GPR155: variants seen among roughly 807,000 people sequenced by gnomAD.
GPR155 encodes lysosomal cholesterol signaling protein.
A neutral mutation model predicts 93.1 loss-of-function variants in GPR155; 65 were observed. That is an observed-to-expected ratio of 0.70 (90% CI 0.57 to 0.86). GPR155 has a LOEUF of 0.86. GPR155 is among the 40% of genes least tolerant of loss of function. GPR155 has a pLI of 0.00. For synonymous variants in GPR155, 319 were observed against 360.1 expected (o/e 0.89, Z 1.29); for missense variants, 838 against 1,034.8 (o/e 0.81, Z 2.61).
intron 2 of GPR155, among the ~76,000 whole-genome samples, chr2:174,480,261 C>T (rs571792344): frequency 1.3e-5 from 2 of 152,226 alleles, no homozygotes; most frequent in South Asian, 4.2e-4. Flanking sequence ...ATTTTTATGG[C>T]CCTTGTCACC....
At chr2:174,486,725 C>A in intron 1 of GPR155, 148 bp downstream of exon 1, 1 of 152,992 alleles carries the variant, frequency 6.5e-6, no homozygotes, top group Non-Finnish European at 1.5e-5. Flanking sequence ...GCAGAGACAG[C>A]AGGTCCAGAC....
chr2:174,473,423 T>C (rs1014876558), intron 2 of GPR155, 59 bp from the exon 3 acceptor site: 8 of 1,115,262 alleles, frequency 7.2e-6, no homozygotes, highest in East Asian at 2.4e-5. Context: ...ATATATGTTA[T>C]GTATATAACA....
chr2:174,478,488 G>T (rs1279389922), intron 2 of GPR155, among the ~76,000 whole-genome samples: 1 of 152,150 alleles, frequency 6.6e-6, no homozygotes, highest in Non-Finnish European at 1.5e-5. Flanking sequence ...CCAAAATGTT[G>T]GGATTACAGG....
At chr2:174,453,669 A>G in intron 11 of GPR155, 68 bp downstream of exon 11, 11 of 453,412 alleles carry the variant, frequency 2.4e-5, no homozygotes, top group East Asian at 1.4e-4. Flanking sequence ...CAAAAAAAAG[A>G]AAAAAAAAAA....
At chr2:174,452,930 G>A (rs1206380809) in intron 11 of GPR155, among the ~76,000 whole-genome samples, 2 of 152,224 alleles carry the variant, frequency 1.3e-5, no homozygotes, top group Non-Finnish European at 2.9e-5. Context: ...GATTACAGGC[G>A]TGAGCCACCT....
chr2:174,455,096 A>C (rs1687474435), intron 10 of GPR155, among the ~76,000 whole-genome samples: 1 of 152,220 alleles, frequency 6.6e-6, no homozygotes, highest in Middle Eastern at 3.2e-3. Context: ...ATACATTTTG[A>C]AGTGATAGAT....
intron 11 of GPR155, among the ~76,000 whole-genome samples, chr2:174,447,563 AAATT>A (rs1044932861): frequency 1.2e-3 from 172 of 146,176 alleles, no homozygotes; most frequent in African/African-American, 4.1e-3. Flanking sequence ...TATAAATTAC[AAATT>A]AATATATAAG....
chr2:174,438,600 C>T (rs796836373), intron 15 of GPR155, among the ~76,000 whole-genome samples: 55 of 152,226 alleles, frequency 3.6e-4, no homozygotes, highest in African/African-American at 1.3e-3. Flanking sequence ...CTCCACCTCC[C>T]GGGTTCAAGC....
At chr2:174,455,960 C>T (rs975052272) in intron 10 of GPR155, among the ~76,000 whole-genome samples, 1 of 152,082 alleles carries the variant, frequency 6.6e-6, no homozygotes, top group African/African-American at 2.4e-5. Flanking sequence ...CATGCCTCAG[C>T]CTCCCGAGTA....
intron 4 of GPR155, 42 bp downstream of exon 4, chr2:174,470,348 G>C (rs2358637): frequency 3.4e-6 from 5 of 1,476,218 alleles, no homozygotes; most frequent in Non-Finnish European, 4.6e-6. Flanking sequence ...AATTTTTTTC[G>C]ACTAAACACA....
intron 10 of GPR155, among the ~76,000 whole-genome samples, chr2:174,459,640 G>A (rs2105705113): frequency 6.6e-6 from 1 of 152,198 alleles, no homozygotes; most frequent in South Asian, 2.1e-4. Context: ...AGCTCAGCAG[G>A]TCGAGACCAG....
In GPR155 at chr2:174,432,931, T is replaced by C. The variant is rs1465284070; in HGVS notation, c.*3185A>G. 6.6e-6 allele frequency: 1 copy of C among 151,806 alleles called. No homozygotes were observed. The highest frequency in any genetic ancestry group is 1.5e-5 in the Non-Finnish European group (1 of 67,980). 9.4% of individuals were successfully genotyped at this position (151,806 alleles called of 1,614,324 possible). A position where few individuals can be genotyped will look rare whatever the true frequency, so the allele number is the denominator to read the frequency against. On this transcript the variant is annotated 3_prime_UTR_variant, in exon 16 of 16. Coordinates refer to ENST00000392552, the MANE Select transcript of GPR155 (RefSeq NM_152529.7). ...GGTGCCCACCACCACGTCTGGCTAA[T>C]TTTTTGTATTTTTAGTAGAGACGGG...
chr2:174,473,472 C>T, intron 2 of GPR155, 108 bp from the exon 3 acceptor site: 1 of 722,188 alleles, frequency 1.4e-6, no homozygotes, highest in South Asian at 2.4e-5. Flanking sequence ...CTAAAATTTT[C>T]AAAATGACCC....
chr2:174,436,517 C>A, intron 15 of GPR155, 101 bp from the exon 16 acceptor site: 1 of 1,121,492 alleles, frequency 8.9e-7, no homozygotes, highest in South Asian at 1.5e-5. Flanking sequence ...CAAGGAAAGA[C>A]AGCATGGTAG....
At chr2:174,440,063 A>T in intron 14 of GPR155, 28 bp from the exon 15 acceptor site, 1 of 1,595,292 alleles carries the variant, frequency 6.3e-7, no homozygotes. Context: ...GGCCATTTTT[A>T]AGGACAGAAA....
At chr2:174,472,073 T>A (rs1688014306) in intron 3 of GPR155, among the ~76,000 whole-genome samples, 1 of 152,190 alleles carries the variant, frequency 6.6e-6, no homozygotes, top group Non-Finnish European at 1.5e-5. Context: ...CATGTAGAAC[T>A]CCATGGCTAA....
chr2:174,432,019 T>C lies in GPR155; in HGVS notation c.*4097A>G, dbSNP rs1367643074. On this transcript the variant is annotated 3_prime_UTR_variant, in exon 16 of 16. Coordinates refer to ENST00000392552, the MANE Select transcript of GPR155 (RefSeq NM_152529.7). The stretch of plus-strand genomic sequence containing the variant: ...ATTTTTCTAGCTGTCACTCTACATA[T>C]TGGAAATGATGAAATGTATGAAAAG... The C allele has an allele frequency of 3.3e-5, 5 of 152,316 alleles. No individual in the cohort carries two copies. Among genetic ancestry groups the C allele is most frequent in the South Asian group, 2.1e-4 (1 of 4,828 alleles). 9.4% of individuals were successfully genotyped at this position (152,316 alleles called of 1,614,324 possible).
At chr2:174,439,711 A>G (rs1238515369) in intron 15 of GPR155, among the ~76,000 whole-genome samples, 187 bp downstream of exon 15, 1 of 152,216 alleles carries the variant, frequency 6.6e-6, no homozygotes, top group African/African-American at 2.4e-5. Flanking sequence ...ATCAACGTAA[A>G]TGGTTCTTTT....
chr2:174,468,989 T>C lies in GPR155; in HGVS notation c.1105A>G (p.Thr369Ala). The change falls in exon 5 of 16, where the codon ACT (threonine) becomes GCT (alanine). Residue 369 changes from threonine to alanine, a missense_variant. Thr to Ala is a moderately conservative substitution (Grantham distance 58). Coordinates refer to ENST00000392552, the MANE Select transcript of GPR155 (RefSeq NM_152529.7). The stretch of plus-strand genomic sequence containing the variant: ...TATGCCAATGGCTTAGGGTCCATAG[T>C]GGGAAAGGTCAGTAACCAGGCAGAA... ...YVSAWLLTFPTMDPKPLAYAI... is the reference protein window; with the variant it reads ...YVSAWLLTFPAMDPKPLAYAI... 6.2e-7 allele frequency: 1 copy of C among 1,613,978 alleles called. No homozygotes were observed. Among genetic ancestry groups the C allele is most frequent in the Non-Finnish European group, 8.5e-7 (1 of 1,179,860 alleles).
Sources: allele counts gnomAD v4.1 joint callset (sites outside exome capture counted in the v4.1 genomes callset), GRCh38; gene constraint gnomAD v4.1.1; transcripts MANE v1.5; gene names NCBI Gene and HGNC (gene_info 2026-07-23, HGNC 2026-07-21).